VPS13B: variants seen among roughly 807,000 people sequenced by gnomAD.
VPS13B encodes the protein vacuolar protein sorting 13 homolog B.
A neutral mutation model predicts 426.4 loss-of-function variants in VPS13B; 285 were observed. The observed-to-expected ratio is 0.67, with a 90% CI of 0.61 to 0.74. The LOEUF is 0.74. VPS13B is among the 30% of genes least tolerant of loss of function. The pLI is 0.00. For missense variants in VPS13B, 4,537 were observed against 4,782.6 expected, an observed-to-expected ratio of 0.95 and a Z score of 1.51; for synonymous variants, 1,676 against 1,676.4, an observed-to-expected ratio of 1.00 and a Z score of 0.01.
At chr8:99,447,701 T>A (rs1817988922) in intron 23 of VPS13B, among the ~76,000 whole-genome samples, 1 of 152,182 alleles carries the variant, frequency 6.6e-6, no homozygotes. Flanking sequence ...TGCATGCATG[T>A]GTATATGTGT....
chr8:99,586,813 C>A (rs1826322611), intron 33 of VPS13B, among the ~76,000 whole-genome samples: 1 of 152,086 alleles, frequency 6.6e-6, no homozygotes, highest in Non-Finnish European at 1.5e-5. Context: ...TGACACTCTT[C>A]CCAGAATTAG....
intron 29 of VPS13B, among the ~76,000 whole-genome samples, chr8:99,511,868 T>G (rs1821807851): frequency 6.6e-6 from 1 of 152,170 alleles, no homozygotes; most frequent in Non-Finnish European, 1.5e-5. Flanking sequence ...TCAAGCACAG[T>G]GGCTCACATC....
Position 99,250,664 on chromosome 8 carries a change from C to CTTTTTTTTT in VPS13B, c.2516-23504_2516-23496dup, listed in dbSNP as rs60698750. On this transcript the variant is annotated intron_variant, in intron 17 of 61. Transcript: ENST00000357162. Reference sequence around the variant, plus strand: ...CTGTCCACTAATCCGTGTGTTTATTCTTTTTTTTTTTTTTTTTTTTTTTTT... The same window carrying CTTTTTTTTT: ...CTGTCCACTAATCCGTGTGTTTATTCTTTTTTTTTTTTTTTTTTTTTTTTTTTTTTTTTT... Among the ~76,000 whole-genome samples, 21 of 35,806 alleles carry CTTTTTTTTT rather than the reference C, an allele frequency of 5.9e-4. 7 individuals are homozygous for CTTTTTTTTT. Among genetic ancestry groups the CTTTTTTTTT allele is most frequent in the East Asian group, 2.3e-3 (2 of 882 alleles). The allele number at this position is 35,806 out of a possible 152,430, so 23.5% of individuals were successfully genotyped here. A position where few individuals can be genotyped will look rare whatever the true frequency, so the allele number is the denominator to read the frequency against.
Position 99,147,885 on chromosome 8 carries a change from G to A in VPS13B, c.1888G>A (p.Ala630Thr), listed in dbSNP as rs768721417. 1.6e-5 allele frequency: 26 copies of A among 1,607,176 alleles called. No individual in the cohort carries two copies. The highest frequency in any genetic ancestry group is 1.4e-4 in the South Asian group (12 of 88,490). Residue 630 changes from alanine (A) to threonine (T), a missense_variant, in exon 14 of 62, where the codon GCT becomes ACT. Around this residue, in one of 2 missense-constraint regions of VPS13B, gnomAD observed 4,311 missense variants for 4,474.3 expected, o/e 0.96. Transcript: ENST00000357162. ...NETILNPEEV[A>T]LLEEYIPTRH... is the part of the protein sequence containing the mutation. ...AACAATACTGAATCCTGAAGAGGTG[G>A]CTCTTCTGGAGGAATATATTCCTAC...
intron 34 of VPS13B, 42 bp downstream of exon 34, chr8:99,642,540 C>T (rs767384830): frequency 3.3e-6 from 5 of 1,522,194 alleles, no homozygotes; most frequent in Non-Finnish European, 4.5e-6. Flanking sequence ...TAATTACTAT[C>T]TAATAAGTTG....
At chr8:99,608,283 G>T (rs1827688373) in intron 33 of VPS13B, among the ~76,000 whole-genome samples, 1 of 150,892 alleles carries the variant, frequency 6.6e-6, no homozygotes, top group Non-Finnish European at 1.5e-5. Flanking sequence ...CTAGTAACTG[G>T]GACCACAGAG....
chr8:99,612,514 G>A (rs1234709727), intron 33 of VPS13B, among the ~76,000 whole-genome samples: 1 of 152,152 alleles, frequency 6.6e-6, no homozygotes, highest in African/African-American at 2.4e-5. Flanking sequence ...ACAGCAGCCA[G>A]AGTAATTATC....
chr8:99,860,357 C>G (rs1178473779), intron 57 of VPS13B, among the ~76,000 whole-genome samples: 1 of 152,150 alleles, frequency 6.6e-6, no homozygotes, highest in Non-Finnish European at 1.5e-5. Context: ...CCCCAGGCCT[C>G]AAATCATCTG....
At chr8:99,379,211 G>A (rs892383859) in intron 19 of VPS13B, among the ~76,000 whole-genome samples, 3 of 152,070 alleles carry the variant, frequency 2.0e-5, no homozygotes, top group African/African-American at 4.8e-5. Flanking sequence ...CCCCAAATCC[G>A]TGGAAAAATT....
At chr8:99,618,034 G>A (rs534494493) in intron 33 of VPS13B, among the ~76,000 whole-genome samples, 1 of 152,036 alleles carries the variant, frequency 6.6e-6, no homozygotes, top group African/African-American at 2.4e-5. Context: ...TTTCTATTGT[G>A]ATAAATATTA....
At chr8:99,195,048 T>C (rs899741437) in intron 17 of VPS13B, among the ~76,000 whole-genome samples, 1 of 152,166 alleles carries the variant, frequency 6.6e-6, no homozygotes, top group Non-Finnish European at 1.5e-5. Flanking sequence ...AGTTTCACCA[T>C]GTTGACTAGG....
chr8:99,851,462 G>GAGCTCAGTAAGAGGGGCTGGA (rs1254447783), intron 55 of VPS13B, among the ~76,000 whole-genome samples: 1 of 152,152 alleles, frequency 6.6e-6, no homozygotes, highest in Non-Finnish European at 1.5e-5. Flanking sequence ...GATGAAAACA[G>GAGCTCAGTAAGAGGGGCTGGA]AGCTCAGTAA....
At chr8:99,496,846 A>G (rs1490704835) in intron 25 of VPS13B, among the ~76,000 whole-genome samples, 3 of 152,022 alleles carry the variant, frequency 2.0e-5, no homozygotes, top group Admixed American at 6.6e-5. Flanking sequence ...GTTTCAATAA[A>G]TGTGATTTTA....
rs1191684029 is a variant in VPS13B, at chr8:99,409,130, A to G, written c.3082+17426A>G. ...CCACTCTGAGGATCCTTAGGGCCTC[A>G]GATTCAGAAAAGAGTTTTAGGAAGA... On this transcript the variant is annotated intron_variant, in intron 21 of 61. Coordinates refer to ENST00000357162, the MANE Select transcript of VPS13B (RefSeq NM_152564.5). 2.0e-5 allele frequency among the ~76,000 whole-genome samples: 3 copies of G among 152,292 alleles called. No individual in the cohort carries two copies. The East Asian group carries it at 5.8e-4, about 29-fold the overall frequency.
At chr8:99,570,429 A>C (rs1825415085) in intron 31 of VPS13B, among the ~76,000 whole-genome samples, 1 of 152,088 alleles carries the variant, frequency 6.6e-6, no homozygotes, top group African/African-American at 2.4e-5. Flanking sequence ...TCTATATTCT[A>C]GTCTTAAGAT....
intron 3 of VPS13B, among the ~76,000 whole-genome samples, chr8:99,095,173 G>A (rs2132427263): frequency 6.6e-6 from 1 of 152,250 alleles, no homozygotes; most frequent in East Asian, 1.9e-4. Context: ...TTTCTAATAG[G>A]TTAGTGGCAG....
At chr8:99,344,959 T>C (rs1811457872) in intron 19 of VPS13B, among the ~76,000 whole-genome samples, 1 of 152,186 alleles carries the variant, frequency 6.6e-6, no homozygotes, top group Non-Finnish European at 1.5e-5. Context: ...ATATTCTGCA[T>C]ATTTTAAAAA....
chr8:99,728,867 G>A (rs1346238577), intron 39 of VPS13B, among the ~76,000 whole-genome samples: 2 of 152,192 alleles, frequency 1.3e-5, no homozygotes, highest in African/African-American at 4.8e-5. Context: ...GAAGAACTGG[G>A]GCCAGGAATG....
intron 3 of VPS13B, among the ~76,000 whole-genome samples, chr8:99,093,355 A>AT (rs992152093): frequency 3.7e-4 from 55 of 149,108 alleles, no homozygotes; most frequent in African/African-American, 1.1e-3. Flanking sequence ...AAATTTGGAA[A>AT]TTTTTTTTTT....
Sources: allele counts gnomAD v4.1 joint callset (sites outside exome capture counted in the v4.1 genomes callset), GRCh38; gene constraint gnomAD v4.1.1; regional missense constraint gnomAD v4.1.1; transcripts MANE v1.5; gene names NCBI Gene and HGNC (gene_info 2026-07-23, HGNC 2026-07-21).